ANO3: variants seen among roughly 807,000 people sequenced by gnomAD.
The protein encoded by ANO3 is anoctamin-3.
ANO3 carries 99 observed loss-of-function variants against 144.8 expected under a neutral mutation model. The ratio of observed to expected loss-of-function variants is 0.68; its 90% CI spans 0.58 to 0.81. The LOEUF is 0.81. Ranked by LOEUF, ANO3 falls within the 30% of genes least tolerant of loss-of-function variation. The probability of loss-of-function intolerance (pLI) is 0.00; values close to 1 mark genes in which losing one functional copy is unlikely to be tolerated. For missense variants in ANO3, 905 were observed against 1,202.2 expected (o/e 0.75, Z 3.66); for synonymous variants, 414 against 392.6 (o/e 1.05, Z -0.64).
chr11:26,454,072 A>C (rs1341597295), intron 3 of ANO3, among the ~76,000 whole-genome samples: 1 of 152,176 alleles, frequency 6.6e-6, no homozygotes, highest in East Asian at 1.9e-4. Context: ...GACACATTCA[A>C]AGCAGTGTGT....
rs559290007 is a variant in ANO3 at position 26,238,562 on chromosome 11, G to A, written c.154+49232G>A. Among the ~76,000 whole-genome samples the A allele has an allele frequency of 2.0e-5, 3 of 151,938 alleles. No homozygotes were observed. The East Asian group carries it at 5.8e-4, about 29-fold the overall frequency. ...ATTTATTTATCTATTCATTCTGTTT[G>A]GATTAAATGCCTACTGACAGAAAAT... On this transcript the variant is annotated intron_variant, in intron 1 of 27. Coordinates refer to the ANO3 transcript ENST00000672621.
chr11:26,437,805 T>C (rs901048244), intron 1 of ANO3, among the ~76,000 whole-genome samples: 1 of 152,204 alleles, frequency 6.6e-6, no homozygotes, highest in African/African-American at 2.4e-5. Flanking sequence ...TTTAAACACA[T>C]ACACACACGT....
At chr11:26,291,442 C>A (rs1853954524) in intron 1 of ANO3, among the ~76,000 whole-genome samples, 1 of 152,130 alleles carries the variant, frequency 6.6e-6, no homozygotes, top group African/African-American at 2.4e-5. Context: ...TGAATTAGAT[C>A]CTGTCATTAT....
intron 14 of ANO3, among the ~76,000 whole-genome samples, chr11:26,584,514 A>T (rs1468347974): frequency 1.3e-5 from 2 of 152,196 alleles, no homozygotes; most frequent in Non-Finnish European, 2.9e-5. Context: ...CAAGACCAGG[A>T]GTTACATTAT....
chr11:26,229,586 T>C (rs1288054477), intron 1 of ANO3, among the ~76,000 whole-genome samples: 2 of 152,218 alleles, frequency 1.3e-5, no homozygotes. Context: ...ATATGCTAGT[T>C]AGATTTCCTT....
intron 14 of ANO3, 124 bp downstream of exon 14, chr11:26,559,903 T>C (rs1406737837): frequency 1.4e-6 from 1 of 734,668 alleles, no homozygotes; most frequent in East Asian, 2.5e-5. Flanking sequence ...ATAAAGCCTC[T>C]AGGTTGGTAC....
chr11:26,309,074 T>C (rs1854449358), upstream of ANO3, among the ~76,000 whole-genome samples: 2 of 152,158 alleles, frequency 1.3e-5, no homozygotes, highest in Non-Finnish European at 2.9e-5. Flanking sequence ...GAAAAGCTTT[T>C]TTAATAGGAA....
chr11:26,490,006 G>C (rs1036779054), intron 4 of ANO3, among the ~76,000 whole-genome samples: 1 of 152,122 alleles, frequency 6.6e-6, no homozygotes, highest in African/African-American at 2.4e-5. Flanking sequence ...TAAAATGTGA[G>C]GACATGAGAT....
chr11:26,570,034 G>T (rs1850758154), intron 14 of ANO3, among the ~76,000 whole-genome samples: 1 of 152,040 alleles, frequency 6.6e-6, no homozygotes, highest in African/African-American at 2.4e-5. Context: ...CCTTCTAAAG[G>T]TAGAATTACT....
chr11:26,299,757 T>C (rs1408809383), intron 1 of ANO3, among the ~76,000 whole-genome samples: 1 of 152,134 alleles, frequency 6.6e-6, no homozygotes, highest in Non-Finnish European at 1.5e-5. Flanking sequence ...GAGTGAGGGA[T>C]AGAAACTACT....
At chr11:26,552,738 CA>C (rs11324993) in intron 12 of ANO3, among the ~76,000 whole-genome samples, 140,709 of 151,912 alleles carry the variant, frequency 0.93, 65,272 homozygotes, top group East Asian at 0.99. Flanking sequence ...CAAGGTGCTG[CA>C]AAAAAAACCC....
At chr11:26,192,181 G>T (rs1337596679) in intron 1 of ANO3, among the ~76,000 whole-genome samples, 1 of 152,124 alleles carries the variant, frequency 6.6e-6, no homozygotes, top group Admixed American at 6.5e-5. Context: ...TATGGAATTT[G>T]TCATTCATTT....
intron 1 of ANO3, among the ~76,000 whole-genome samples, chr11:26,245,838 T>C (rs1852778168): frequency 6.6e-6 from 1 of 152,156 alleles, no homozygotes; most frequent in Non-Finnish European, 1.5e-5. Flanking sequence ...TTCAATGAGC[T>C]TGAAGAACAT....
intron 1 of ANO3, among the ~76,000 whole-genome samples, chr11:26,264,555 C>T (rs1853264889): frequency 6.6e-6 from 1 of 152,070 alleles, no homozygotes. Context: ...GGAGGGATAC[C>T]TCATATTTCT....
intron 1 of ANO3, among the ~76,000 whole-genome samples, chr11:26,249,327 G>A (rs1022037442): frequency 2.0e-5 from 3 of 152,110 alleles, no homozygotes; most frequent in African/African-American, 4.8e-5. Flanking sequence ...TATATGAAAC[G>A]AAAATTAAAC....
intron 13 of ANO3, chr11:26,558,984 A>G (rs1181987867): frequency 6.6e-6 from 1 of 152,122 alleles, no homozygotes; most frequent in Non-Finnish European, 1.5e-5. Flanking sequence ...TTCTCTCACT[A>G]AGTTACATAT....
intron 1 of ANO3, among the ~76,000 whole-genome samples, chr11:26,378,970 C>CA (rs5790576): frequency 0.57 from 78,388 of 137,852 alleles, 23,081 homozygotes; most frequent in East Asian, 0.68. Context: ...ACAACTTCTC[C>CA]AAAAAAAAAA....
chr11:26,604,499 T>C (rs1475988238), intron 17 of ANO3, among the ~76,000 whole-genome samples: 1 of 152,212 alleles, frequency 6.6e-6, no homozygotes, highest in Admixed American at 6.5e-5. Context: ...TAAATTACTT[T>C]GGGCAGTATG....
chr11:26,547,962 A>G (rs1345722881), intron 12 of ANO3, among the ~76,000 whole-genome samples: 1 of 151,930 alleles, frequency 6.6e-6, no homozygotes. Context: ...CATTTGCTAT[A>G]ACCTTCACTA....
Sources: allele counts gnomAD v4.1 joint callset (sites outside exome capture counted in the v4.1 genomes callset), GRCh38; gene constraint gnomAD v4.1.1; transcripts MANE v1.5; gene names NCBI Gene and HGNC (gene_info 2026-07-23, HGNC 2026-07-21).